CACNA1C: variants seen among roughly 807,000 people sequenced by gnomAD.
CACNA1C encodes the protein voltage-dependent L-type calcium channel subunit alpha-1C.
In CACNA1C, 30 loss-of-function variants were observed where a neutral mutation model predicts 229.0. That is an observed-to-expected ratio of 0.13 (90% CI 0.10 to 0.18). CACNA1C has a LOEUF of 0.18. Ranked by LOEUF, CACNA1C falls within the 10% of genes least tolerant of loss-of-function variation. The pLI is 1.00. For synonymous variants in CACNA1C, 1,114 were observed against 1,132.5 expected (o/e 0.98, Z 0.33); for missense variants, 1,658 against 2,845.0 (o/e 0.58, Z 9.49).
At chr12:2,322,063 G>A (rs2096026521) in intron 3 of CACNA1C, among the ~76,000 whole-genome samples, 1 of 152,194 alleles carries the variant, frequency 6.6e-6, no homozygotes, top group Admixed American at 6.5e-5. Flanking sequence ...TATTTATAGG[G>A]CATTATTAAG....
rs543860647 is a variant in CACNA1C at position 2,055,064 on chromosome 12, T to C, written c.49+1453T>C. 6.6e-5 allele frequency among the ~76,000 whole-genome samples: 10 copies of C among 152,328 alleles called. No individual in the cohort carries two copies. The South Asian group carries it at 2.1e-3, about 32-fold the overall frequency. On this transcript the variant is annotated intron_variant, in intron 1 of 46. Coordinates refer to ENST00000399655, the MANE Select transcript of CACNA1C (RefSeq NM_000719.7). The stretch of plus-strand genomic sequence containing the variant: ...TCCAGCATGGGTGGCAGCTTGGGGA[T>C]TGTGGCCTCCTTTGGAAGAAAGAAT...
At position 2,415,482 on chromosome 12, in the gene CACNA1C, A is replaced by C. The variant is rs184180000; in HGVS notation, c.478-33494A>C. Among the ~76,000 whole-genome samples, 38 of 152,352 alleles carry C rather than the reference A, an allele frequency of 2.5e-4. No homozygotes were observed. In the Middle Eastern group the frequency reaches 0.01, roughly 41 times the overall value. ...AATATTCAGCTTTTCTTCCAAGTGG[A>C]AATACTTTATGTATTTTCTCCAAGG... On this transcript the variant is annotated intron_variant, in intron 3 of 46. Transcript: ENST00000399655.
chr12:2,251,277 G>A (rs1190762779), intron 3 of CACNA1C, among the ~76,000 whole-genome samples: 5 of 152,158 alleles, frequency 3.3e-5, no homozygotes, highest in African/African-American at 1.2e-4. Context: ...GTGGTCTACT[G>A]ACATGTCTCC....
At chr12:2,047,289 G>T (rs892820029) in intron 1 of CACNA1C, among the ~76,000 whole-genome samples, 5 of 152,206 alleles carry the variant, frequency 3.3e-5, no homozygotes, top group Non-Finnish European at 5.9e-5. Context: ...TTTCACAGGG[G>T]TGAAGGATGA....
intron 3 of CACNA1C, among the ~76,000 whole-genome samples, chr12:2,379,713 G>A (rs2098178598): frequency 6.6e-6 from 1 of 152,170 alleles, no homozygotes; most frequent in Non-Finnish European, 1.5e-5. Flanking sequence ...CAGAGAGCCT[G>A]CCATGATGCG....
rs1555425896 is a variant in CACNA1C, at chr12:2,310,352, A to ATATATATAT, written c.478-138624_478-138623insTATATATAT. 3.5e-4 allele frequency among the ~76,000 whole-genome samples: 49 copies of ATATATATAT among 139,840 alleles called. No homozygotes were observed. The East Asian group carries it at 5.0e-3, about 14-fold the overall frequency. The allele number at this position is 139,840 out of a possible 152,430, so 91.7% of individuals were successfully genotyped here. A position where few individuals can be genotyped will look rare whatever the true frequency, so the allele number is the denominator to read the frequency against. ...CCTCTGCCTCCCAGTTAAAAAAAAA[A>ATATATATAT]ATATATATATATATATATATGTATG... On this transcript the variant is annotated intron_variant, in intron 3 of 46. Coordinates refer to ENST00000399655, the MANE Select transcript of CACNA1C (RefSeq NM_000719.7).
intron 3 of CACNA1C, among the ~76,000 whole-genome samples, chr12:2,220,180 G>C (rs1345624167): frequency 6.6e-6 from 1 of 152,150 alleles, no homozygotes; most frequent in Non-Finnish European, 1.5e-5. Flanking sequence ...GAGTCAGATA[G>C]ATATGTGCTG....
At chr12:2,661,315 A>ACACACAC (rs1491547750) in intron 34 of CACNA1C, among the ~76,000 whole-genome samples, 1 of 144,392 alleles carries the variant, frequency 6.9e-6, no homozygotes, top group Non-Finnish European at 1.5e-5. Context: ...ACACACACAC[A>ACACACAC]AGATTTTTCT....
chr12:2,108,078 G>A lies in CACNA1C; in HGVS notation c.50-7146G>A, dbSNP rs1387443586. 6.6e-6 allele frequency among the ~76,000 whole-genome samples: 1 copy of A among 152,210 alleles called. No individual in the cohort carries two copies. The highest frequency in any genetic ancestry group is 1.5e-5 in the Non-Finnish European group (1 of 68,032). Reference sequence around the variant, plus strand: ...CTGGTAGCAAGGGCTCCGTAATCCAGCCTAGGATTATAGAGCATTTCTATT... The same window carrying A: ...CTGGTAGCAAGGGCTCCGTAATCCAACCTAGGATTATAGAGCATTTCTATT... On this transcript the variant is annotated intron_variant, in intron 1 of 46. Transcript: ENST00000399655. This position sits in a 1 kb window ranked among gnomAD's most constrained non-coding sequence, Gnocchi z 5.3.
intron 3 of CACNA1C, among the ~76,000 whole-genome samples, chr12:2,309,935 G>C (rs1159213121): frequency 6.6e-6 from 1 of 152,198 alleles, no homozygotes; most frequent in Non-Finnish European, 1.5e-5. Context: ...TTAAAGGTCT[G>C]TATGGTATCT....
intron 1 of CACNA1C, among the ~76,000 whole-genome samples, chr12:2,006,959 A>T (rs2043578498): frequency 6.6e-6 from 1 of 152,246 alleles, no homozygotes; most frequent in Non-Finnish European, 1.5e-5. Flanking sequence ...ATAGGGCTGC[A>T]GCAACTGAGC....
chr12:2,302,869 G>A (rs947182189), intron 3 of CACNA1C, among the ~76,000 whole-genome samples: 6 of 152,196 alleles, frequency 3.9e-5, no homozygotes, highest in Admixed American at 6.5e-5. Flanking sequence ...GAGCCTCTCG[G>A]CTCCATCCTG....
intron 3 of CACNA1C, among the ~76,000 whole-genome samples, chr12:2,439,828 G>A (rs765991400): frequency 1.3e-5 from 2 of 152,042 alleles, no homozygotes; most frequent in African/African-American, 2.4e-5. Flanking sequence ...TTCTCTTCAA[G>A]GCTGCTTTGC....
At chr12:2,248,020 T>C (rs1025561184) in intron 3 of CACNA1C, among the ~76,000 whole-genome samples, 5 of 152,206 alleles carry the variant, frequency 3.3e-5, no homozygotes, top group Non-Finnish European at 5.9e-5. Flanking sequence ...CGTGGGCATC[T>C]TTTTCCACTC....
intron 3 of CACNA1C, among the ~76,000 whole-genome samples, chr12:2,192,056 A>G (rs1344522366): frequency 6.6e-6 from 1 of 152,000 alleles, no homozygotes; most frequent in Non-Finnish European, 1.5e-5. Context: ...ACACACATAC[A>G]CACTCAGGCA....
At chr12:2,501,717 G>A (rs547218042) in intron 7 of CACNA1C, among the ~76,000 whole-genome samples, 1 of 152,236 alleles carries the variant, frequency 6.6e-6, no homozygotes, top group East Asian at 1.9e-4. Flanking sequence ...TCTTCTCCTG[G>A]TGCTGAAGTC....
chr12:2,205,591 T>G (rs2097732720), intron 3 of CACNA1C, among the ~76,000 whole-genome samples: 1 of 152,206 alleles, frequency 6.6e-6, no homozygotes, highest in Non-Finnish European at 1.5e-5. Flanking sequence ...GTTGGGGTCC[T>G]GTGCATTGCA....
At chr12:2,615,528 G>A (rs1313249446) in intron 29 of CACNA1C, among the ~76,000 whole-genome samples, 2 of 152,152 alleles carry the variant, frequency 1.3e-5, no homozygotes, top group African/African-American at 2.4e-5. Flanking sequence ...TGATCCATAG[G>A]CTCAATACCA....
Position 2,251,639 on chromosome 12 carries a change from T to C in CACNA1C, c.477+131209T>C, listed in dbSNP as rs189585230. Among the ~76,000 whole-genome samples the C allele has an allele frequency of 7.1e-4, 108 of 152,316 alleles. 1 individual carries two copies. The highest frequency in any genetic ancestry group is 2.6e-3 in the African/African-American group (107 of 41,574). Reference sequence around the variant, plus strand: ...GCCCATGGGAATGAACATACATATCTTCTAATGGTTAGAGAAATAAATTGC... The same window carrying C: ...GCCCATGGGAATGAACATACATATCCTCTAATGGTTAGAGAAATAAATTGC... On this transcript the variant is annotated intron_variant, in intron 3 of 46. Transcript: ENST00000399655.
Sources: gnomAD v4.1 joint callset for allele counts (sites outside exome capture counted in the v4.1 genomes callset) on GRCh38, gnomAD v4.1.1 for gene constraint, Gnocchi (gnomAD v3.1) non-coding constraint, MANE v1.5 for transcripts, NCBI Gene and HGNC (gene_info 2026-07-23, HGNC 2026-07-21) for gene names.